CIMIP5: variants seen among roughly 807,000 people sequenced by gnomAD.
CIMIP5 encodes ciliary microtubule inner protein 5.
the CIMIP5 span, among the ~76,000 whole-genome samples, chr2:11,135,456 A>C: frequency 6.6e-6 from 1 of 152,106 alleles, no homozygotes; most frequent in Non-Finnish European, 1.5e-5. Context: ...TTTGAGATGA[A>C]GTCTCACACT....
the CIMIP5 span, among the ~76,000 whole-genome samples, chr2:11,151,711 G>C: frequency 6.6e-6 from 1 of 152,232 alleles, no homozygotes; most frequent in Non-Finnish European, 1.5e-5. Flanking sequence ...TCTCGGCCCA[G>C]TGCAACCTGT....
At chr2:11,144,548 A>G in the CIMIP5 span, 25,283 of 154,824 alleles carry the variant, frequency 0.16, 6,043 homozygotes, top group African/African-American at 0.53. Context: ...CACAAACTGC[A>G]TAGCTTAAAA....
chr2:11,138,498 C>G, the CIMIP5 span, among the ~76,000 whole-genome samples: 4 of 152,082 alleles, frequency 2.6e-5, no homozygotes, highest in East Asian at 5.8e-4. Flanking sequence ...AATAGAAAGT[C>G]GATAGATAAG....
At chr2:11,144,821 C>CTTT in the CIMIP5 span, 21,453 of 146,398 alleles carry the variant, frequency 0.15, 4,539 homozygotes, top group African/African-American at 0.47. Context: ...CTCTCTCTCT[C>CTTT]TTTTTTTTTT....
the CIMIP5 span, among the ~76,000 whole-genome samples, chr2:11,150,861 C>T: frequency 6.6e-6 from 1 of 151,444 alleles, no homozygotes; most frequent in African/African-American, 2.4e-5. Flanking sequence ...TACTCAGGAT[C>T]ATGCCAAGAA....
chr2:11,143,188 A>C, the CIMIP5 span, among the ~76,000 whole-genome samples: 1,458 of 146,998 alleles, frequency 9.9e-3, 12 homozygotes, highest in Non-Finnish European at 0.014. Flanking sequence ...ACCATGGAGT[A>C]CAGTTCACAC....
the CIMIP5 span, chr2:11,143,999 T>C: frequency 1.9e-5 from 30 of 1,607,088 alleles, no homozygotes; most frequent in Non-Finnish European, 2.3e-5. Flanking sequence ...ACGAACCAGG[T>C]TGTGGGCAGC....
the CIMIP5 span, among the ~76,000 whole-genome samples, chr2:11,150,268 T>C: frequency 6.6e-6 from 1 of 152,016 alleles, no homozygotes; most frequent in African/African-American, 2.4e-5. Flanking sequence ...AGGTGTTTGC[T>C]GAAAAGTCCC....
chr2:11,149,886 G>A, the CIMIP5 span, among the ~76,000 whole-genome samples: 1 of 152,200 alleles, frequency 6.6e-6, no homozygotes, highest in Non-Finnish European at 1.5e-5. Context: ...CATTGTATCA[G>A]TGAGAAAGTG....
the CIMIP5 span, chr2:11,143,899 C>G: frequency 6.5e-7 from 1 of 1,539,620 alleles, no homozygotes; most frequent in Non-Finnish European, 8.8e-7. Flanking sequence ...CTGTGTGACC[C>G]GAGCTGTCCC....
the CIMIP5 span, among the ~76,000 whole-genome samples, chr2:11,134,095 G>C: frequency 2.0e-5 from 3 of 152,114 alleles, no homozygotes; most frequent in African/African-American, 7.2e-5. Context: ...GTACAAATCT[G>C]TATGAAGTGT....
the CIMIP5 span, chr2:11,133,570 A>C: frequency 6.2e-7 from 1 of 1,602,958 alleles, no homozygotes; most frequent in Non-Finnish European, 8.5e-7. Context: ...CTGGAGGCCG[A>C]GCGGCGGGGC....
chr2:11,135,227 T>C, the CIMIP5 span, among the ~76,000 whole-genome samples: 469 of 152,278 alleles, frequency 3.1e-3, 3 homozygotes, highest in African/African-American at 0.011. Flanking sequence ...ATCGGAGGGA[T>C]TGCAGGATTA....
chr2:11,135,220 G>A, the CIMIP5 span, among the ~76,000 whole-genome samples: 12 of 152,246 alleles, frequency 7.9e-5, no homozygotes, highest in East Asian at 5.8e-4. Context: ...AAACCATATC[G>A]GAGGGATTGC....
chr2:11,140,400 T>G, the CIMIP5 span: 3 of 618,748 alleles, frequency 4.8e-6, no homozygotes, highest in South Asian at 4.0e-5. Context: ...AAAAAAAAAT[T>G]ATTTAGTTCT....
chr2:11,137,788 T>C, the CIMIP5 span, among the ~76,000 whole-genome samples: 1 of 152,206 alleles, frequency 6.6e-6, no homozygotes, highest in Non-Finnish European at 1.5e-5. Flanking sequence ...GCTAGGCCAG[T>C]GGGAGCAGGA....
chr2:11,138,626 G>A, the CIMIP5 span, among the ~76,000 whole-genome samples: 4 of 152,154 alleles, frequency 2.6e-5, no homozygotes, highest in South Asian at 2.1e-4. Flanking sequence ...GGTGGAAGGC[G>A]ATTGGATCAT....
chr2:11,136,615 G>A, the CIMIP5 span, among the ~76,000 whole-genome samples: 1 of 152,180 alleles, frequency 6.6e-6, no homozygotes, highest in Non-Finnish European at 1.5e-5. Context: ...GTGTTTTGGA[G>A]GATGAGGACT....
At chr2:11,150,168 G>A in the CIMIP5 span, among the ~76,000 whole-genome samples, 7 of 151,796 alleles carry the variant, frequency 4.6e-5, no homozygotes, top group Admixed American at 6.6e-5. Flanking sequence ...GGCTGGTCTC[G>A]AACCTCGTGA....
Sources: gnomAD v4.1 joint callset for allele counts (sites outside exome capture counted in the v4.1 genomes callset) on GRCh38, gnomAD v4.1.1 for gene constraint, MANE v1.5 for transcripts, NCBI Gene and HGNC (gene_info 2026-07-23, HGNC 2026-07-21) for gene names.